Variants in RNF180 observed in about 807,000 individuals in gnomAD.
RNF180 encodes ring finger protein 180, also known as E3 ubiquitin-protein ligase RNF180.
Under a neutral mutation model 59.2 loss-of-function variants are expected in RNF180, and 38 were observed. The observed-to-expected ratio is 0.64, with a 90% CI of 0.50 to 0.84. RNF180 has a LOEUF of 0.84. Among genes scored for constraint, RNF180 ranks in the 40% least tolerant of loss-of-function variants. The probability of loss-of-function intolerance (pLI) is 0.00; values close to 1 mark genes in which losing one functional copy is unlikely to be tolerated. For synonymous variants in RNF180, 262 were observed against 240.3 expected (o/e 1.09, Z -0.84); for missense variants, 705 against 700.9 (o/e 1.01, Z -0.07).
At chr5:64,247,227 A>G (rs894459940) in intron 5 of RNF180, among the ~76,000 whole-genome samples, 3 of 152,082 alleles carry the variant, frequency 2.0e-5, no homozygotes, top group Admixed American at 6.6e-5. Flanking sequence ...CTCTCTCACC[A>G]CTCCGATTCA....
chr5:64,240,772 C>T (rs1298370402), intron 5 of RNF180, among the ~76,000 whole-genome samples: 1 of 152,194 alleles, frequency 6.6e-6, no homozygotes, highest in African/African-American at 2.4e-5. Flanking sequence ...ACATAAGTCC[C>T]TTACCTCATT....
intron 6 of RNF180, among the ~76,000 whole-genome samples, chr5:64,325,625 C>T (rs1032756907): frequency 2.0e-5 from 3 of 152,162 alleles, no homozygotes; most frequent in Non-Finnish European, 4.4e-5. Flanking sequence ...CACTCAGATC[C>T]TTTCTAAAAC....
intron 7 of RNF180, among the ~76,000 whole-genome samples, chr5:64,333,681 C>G (rs1302332381): frequency 6.6e-6 from 1 of 152,184 alleles, no homozygotes; most frequent in East Asian, 1.9e-4. Context: ...TTTCCCTTGT[C>G]TTTTTGTATT....
At position 64,334,713 on chromosome 5, in the gene RNF180, C is replaced by T. The variant is rs10060680; in HGVS notation, c.1579+4307C>T. 4.7e-3 allele frequency among the ~76,000 whole-genome samples: 722 copies of T among 152,222 alleles called. 4 individuals are homozygous for T. The highest frequency in any genetic ancestry group is 8.3e-3 in the Non-Finnish European group (564 of 68,000). The stretch of plus-strand genomic sequence containing the variant: ...TTGCTTTGTCATTCAATATTTTTCT[C>T]AAATCCATTTCAGTAAGTGTGGCCA... On this transcript the variant is annotated intron_variant, in intron 7 of 7. Transcript: ENST00000389100.
At chr5:64,235,066 C>G (rs1235625579) in intron 5 of RNF180, among the ~76,000 whole-genome samples, 1 of 152,132 alleles carries the variant, frequency 6.6e-6, no homozygotes, top group Non-Finnish European at 1.5e-5. Flanking sequence ...CACTTTATCC[C>G]AGGAGTTTGA....
chr5:64,332,943 A>G (rs1220542647), intron 7 of RNF180, among the ~76,000 whole-genome samples: 1 of 152,160 alleles, frequency 6.6e-6, no homozygotes, highest in East Asian at 1.9e-4. Flanking sequence ...TACTACCTAC[A>G]CCAAAAGGAG....
intron 5 of RNF180, among the ~76,000 whole-genome samples, chr5:64,261,343 C>T (rs149239210): frequency 2.6e-5 from 4 of 152,260 alleles, no homozygotes; most frequent in Admixed American, 6.5e-5. Context: ...CATTTCCTAG[C>T]ATCCACCTTT....
chr5:64,254,489 G>T (rs1261463659), intron 5 of RNF180, among the ~76,000 whole-genome samples: 1 of 152,074 alleles, frequency 6.6e-6, no homozygotes, highest in African/African-American at 2.4e-5. Context: ...TTTGCAACAT[G>T]CTTTTTATAG....
At chr5:64,248,364 A>G (rs1220323865) in intron 5 of RNF180, among the ~76,000 whole-genome samples, 1 of 152,250 alleles carries the variant, frequency 6.6e-6, no homozygotes, top group Non-Finnish European at 1.5e-5. Flanking sequence ...TCCATCTGAC[A>G]AAGGGCTAAT....
At chr5:64,212,659 A>T (rs1752370377) in intron 3 of RNF180, among the ~76,000 whole-genome samples, 1 of 152,186 alleles carries the variant, frequency 6.6e-6, no homozygotes, top group Admixed American at 6.5e-5. Flanking sequence ...AATAAATAGG[A>T]TAATTAATGA....
rs1259037918 is a variant in RNF180, at chr5:64,369,582, T to C, written c.1580-33T>C. On this transcript the variant is annotated intron_variant, in intron 7 of 7. Coordinates refer to ENST00000389100, the MANE Select transcript of RNF180 (RefSeq NM_001113561.2). Reference sequence around the variant, plus strand: ...TCTTTTCTGAGCACTAGCTTGAATTTAATGGGCTTTAATATGTTCATACAT... The same window carrying C: ...TCTTTTCTGAGCACTAGCTTGAATTCAATGGGCTTTAATATGTTCATACAT... The C allele has an allele frequency of 4.4e-6, 6 of 1,349,176 alleles. No individual in the cohort carries two copies. The East Asian group carries it at 1.6e-4, about 37-fold the overall frequency. 83.6% of individuals were successfully genotyped at this position (1,349,176 alleles called of 1,614,324 possible). A position where few individuals can be genotyped will look rare whatever the true frequency, so the allele number is the denominator to read the frequency against.
rs995499529 is a variant in RNF180, at chr5:64,189,588, G to A, written c.1-11220G>A. Among the ~76,000 whole-genome samples the A allele has an allele frequency of 5.9e-5, 9 of 152,190 alleles. No homozygotes were observed. The East Asian group carries it at 1.5e-3, about 26-fold the overall frequency. ...TTAGCAGAGGAGATTTGTAAGCGAA[G>A]TGTTGAAGATGTGGCCCGGTTTCTC... On this transcript the variant is annotated intron_variant, in intron 1 of 7. Coordinates refer to ENST00000389100, the MANE Select transcript of RNF180 (RefSeq NM_001113561.2).
chr5:64,291,641 A>G (rs1163277094), intron 5 of RNF180, among the ~76,000 whole-genome samples: 1 of 151,296 alleles, frequency 6.6e-6, no homozygotes, highest in Non-Finnish European at 1.5e-5. Context: ...GTTAGCCAGA[A>G]TGGTCTCGAT....
chr5:64,211,572 T>C (rs1035074332), intron 2 of RNF180, among the ~76,000 whole-genome samples: 2 of 152,186 alleles, frequency 1.3e-5, no homozygotes, highest in African/African-American at 4.8e-5. Flanking sequence ...TTTTTCAGTA[T>C]GCCAAGGAGG....
chr5:64,341,797 C>T (rs978947650), intron 7 of RNF180, among the ~76,000 whole-genome samples: 22 of 152,112 alleles, frequency 1.4e-4, no homozygotes, highest in Admixed American at 3.3e-4. Flanking sequence ...GCAATGGCTG[C>T]AGGTTATTCT....
chr5:64,320,455 G>A (rs1053218017), intron 5 of RNF180, among the ~76,000 whole-genome samples: 1 of 152,154 alleles, frequency 6.6e-6, no homozygotes, highest in Non-Finnish European at 1.5e-5. Context: ...AGAATCCTCA[G>A]CCTGTATGCT....
intron 5 of RNF180, among the ~76,000 whole-genome samples, chr5:64,254,676 T>G (rs945108557): frequency 1.3e-5 from 2 of 152,166 alleles, no homozygotes; most frequent in Non-Finnish European, 1.5e-5. Context: ...ATCTTTTTAT[T>G]TGGATATTGT....
chr5:64,281,532 T>A (rs1357508657), intron 5 of RNF180, among the ~76,000 whole-genome samples: 1 of 152,158 alleles, frequency 6.6e-6, no homozygotes, highest in Non-Finnish European at 1.5e-5. Flanking sequence ...GGAGTCTTGT[T>A]CTGTTGCCCA....
chr5:64,359,513 T>C (rs1746162141), intron 7 of RNF180, among the ~76,000 whole-genome samples: 1 of 151,980 alleles, frequency 6.6e-6, no homozygotes, highest in East Asian at 1.9e-4. Flanking sequence ...TTGTTTGAGT[T>C]CATTGTAGAT....
Sources: gnomAD v4.1 joint callset for allele counts (sites outside exome capture counted in the v4.1 genomes callset) on GRCh38, gnomAD v4.1.1 for gene constraint, MANE v1.5 for transcripts, NCBI Gene and HGNC (gene_info 2026-07-23, HGNC 2026-07-21) for gene names.